Variants in PCDHGA4 observed in about 807,000 individuals in gnomAD.
PCDHGA4 encodes the protein protocadherin gamma subfamily A, 4.
Under a neutral mutation model 54.6 loss-of-function variants are expected in PCDHGA4, and 38 were observed. That is an observed-to-expected ratio of 0.70 (90% confidence interval 0.54 to 0.91). PCDHGA4 has a LOEUF of 0.91. Ranked by LOEUF, PCDHGA4 falls within the 40% of genes least tolerant of loss-of-function variation. The pLI, the probability that PCDHGA4 is intolerant of heterozygous loss-of-function variation, is 0.00. For missense variants in PCDHGA4, 1,298 were observed against 1,220.9 expected (o/e 1.06, Z -0.94); for synonymous variants, 511 against 512.9 (o/e 1.00, Z 0.05).
chr5:141,384,283 G>A (rs762515266), intron 1 of PCDHGA4: 1 of 1,613,762 alleles, frequency 6.2e-7, no homozygotes. Context: ...AGTCTACATC[G>A]CTGAGAACAA....
chr5:141,426,492 T>C (rs1439487321), intron 1 of PCDHGA4: 2 of 336,712 alleles, frequency 5.9e-6, no homozygotes, highest in African/African-American at 4.3e-5. Context: ...TTAGAGTTAG[T>C]GCAGAGAAAC....
At chr5:141,510,353 C>T (rs74759939) in intron 3 of PCDHGA4, among the ~76,000 whole-genome samples, 2 of 146,504 alleles carry the variant, frequency 1.4e-5, no homozygotes, top group African/African-American at 5.0e-5. Context: ...CACTTACTAA[C>T]GGAACTACCG....
chr5:141,357,109 G>T lies in PCDHGA4; in HGVS notation c.2002G>T (p.Ala668Ser). 6.2e-7 allele frequency: 1 copy of T among 1,613,832 alleles called. No individual in the cohort carries two copies. Among genetic ancestry groups the T allele is most frequent in the Non-Finnish European group, 8.5e-7 (1 of 1,179,948 alleles). Reference sequence around the variant, plus strand: ...CGCACGGGCCCTGCTGGACAGAGACGCGCTCAAGCAGAGGCTTGTAGTGGT... The same window carrying T: ...CGCACGGGCCCTGCTGGACAGAGACTCGCTCAAGCAGAGGCTTGTAGTGGT... ...RTARALLDRD[A>S]LKQRLVVVVQ... is the part of the protein sequence containing the mutation. The change falls in exon 1 of 4, where the codon GCG (alanine) becomes TCG (serine). Residue 668 changes from alanine (A) to serine (S), a missense_variant. Ala to Ser is a moderately conservative substitution (Grantham distance 99, BLOSUM62 1). Transcript: ENST00000571252.
chr5:141,374,389 T>C (rs746806211), intron 1 of PCDHGA4: 1 of 1,614,028 alleles, frequency 6.2e-7, no homozygotes, highest in South Asian at 1.1e-5. Flanking sequence ...GCCCGCGGTG[T>C]CTGGTGAGTT....
At chr5:141,479,023 GT>G (rs1436478867) in intron 1 of PCDHGA4, among the ~76,000 whole-genome samples, 1 of 152,056 alleles carries the variant, frequency 6.6e-6, no homozygotes, top group Non-Finnish European at 1.5e-5. Context: ...ATTTTCCTTT[GT>G]TTATACAGAT....
In PCDHGA4 at chr5:141,361,275, A is replaced by G. The variant is rs1366836369; in HGVS notation, c.2514+3654A>G. ...GAGACAGAGACTCTGGAGAAAATGGAGAAGTTTACTGCCAAGTGTTGGGAA... is the reference window on the plus strand; with the variant it reads ...GAGACAGAGACTCTGGAGAAAATGGGGAAGTTTACTGCCAAGTGTTGGGAA... On this transcript the variant is annotated intron_variant, in intron 1 of 3. Coordinates refer to ENST00000571252, the MANE Select transcript of PCDHGA4 (RefSeq NM_018917.4). 3 of 1,613,976 alleles carry G rather than the reference A, an allele frequency of 1.9e-6. No individual in the cohort carries two copies. In the East Asian group the frequency reaches 6.7e-5, roughly 36 times the overall value.
intron 1 of PCDHGA4, chr5:141,417,729 G>T (rs1175282861): frequency 1.6e-5 from 22 of 1,376,276 alleles, no homozygotes; most frequent in African/African-American, 8.8e-5. Context: ...CGCAGACCTT[G>T]CCCAGCACAC....
rs139153105 is a variant in PCDHGA4 at position 141,432,400 on chromosome 5, G to T, written c.2515-62407G>T. 3.1e-6 allele frequency: 5 copies of T among 1,614,122 alleles called. No homozygotes were observed. In the African/African-American group the frequency reaches 4.0e-5, roughly 13 times the overall value. ...ACCCGCCCCTCAGCAGCAACGTGTC[G>T]TTGAGCCTGTTCGTGCTGGACCAGA... On this transcript the variant is annotated intron_variant, in intron 1 of 3. Transcript: ENST00000571252. The surrounding 1 kb of genome is among the most constrained non-coding windows in gnomAD (Gnocchi z 6.0).
chr5:141,405,398 CT>C, intron 1 of PCDHGA4: 1 of 1,590,264 alleles, frequency 6.3e-7, no homozygotes, highest in Non-Finnish European at 8.6e-7. Context: ...TTTTTTCTTT[CT>C]TTCTTTTCTT....
At position 141,421,448 on chromosome 5, in the gene PCDHGA4, A is replaced by G. The variant is rs772957069; in HGVS notation, c.2514+63827A>G. On this transcript the variant is annotated intron_variant, in intron 1 of 3. Coordinates refer to ENST00000571252, the MANE Select transcript of PCDHGA4 (RefSeq NM_018917.4). ...CGCATCGTCTCCAGAGGGAAGACAC[A>G]GCTTTTCGCTGTGAATCCGCGAAGC... The G allele has an allele frequency of 7.8e-5, 126 of 1,614,014 alleles. No individual in the cohort carries two copies. The highest frequency in any genetic ancestry group is 1.0e-4 in the Non-Finnish European group (119 of 1,179,944).
intron 1 of PCDHGA4, chr5:141,478,730 G>A: frequency 6.5e-7 from 1 of 1,538,906 alleles, no homozygotes; most frequent in South Asian, 1.2e-5. Flanking sequence ...GCCAGAGTGT[G>A]GTTTGTGGTC....
chr5:141,383,984 T>C, intron 1 of PCDHGA4: 1 of 1,613,834 alleles, frequency 6.2e-7, no homozygotes, highest in African/African-American at 1.3e-5. Context: ...GACACACCTC[T>C]TGGGACAGTC....
chr5:141,404,132 T>C, intron 1 of PCDHGA4: 1 of 1,613,136 alleles, frequency 6.2e-7, no homozygotes, highest in Non-Finnish European at 8.5e-7. Context: ...ATCTTTTACA[T>C]TAGAAAATTC....
chr5:141,417,893 G>T (rs766340497), intron 1 of PCDHGA4: 2 of 1,572,670 alleles, frequency 1.3e-6, no homozygotes, highest in Admixed American at 1.9e-5. Flanking sequence ...GCGCCGGGCC[G>T]GCCCGCGGCA....
intron 1 of PCDHGA4, chr5:141,422,820 G>A (rs904706749): frequency 6.2e-6 from 10 of 1,614,178 alleles, no homozygotes; most frequent in Non-Finnish European, 7.6e-6. Flanking sequence ...ACTTAGAACT[G>A]AGAGTGATAG....
At position 141,356,874 on chromosome 5, in the gene PCDHGA4, T is replaced by TGTCCCTGAGATCCTGTACCCCACC. The variant is rs1482274371; in HGVS notation, c.1768_1791dup (p.Val590_Thr597dup). Reference sequence around the variant, plus strand: ...TCTTTGTGCTGGACCAGAACGACAATGTCCCTGAGATCCTGTACCCCACCT... The same window carrying TGTCCCTGAGATCCTGTACCCCACC: ...TCTTTGTGCTGGACCAGAACGACAATGTCCCTGAGATCCTGTACCCCACCGTCCCTGAGATCCTGTACCCCACCT... On this transcript the variant is annotated inframe_insertion, in exon 1 of 4. Coordinates refer to ENST00000571252, the MANE Select transcript of PCDHGA4 (RefSeq NM_018917.4). The TGTCCCTGAGATCCTGTACCCCACC allele has an allele frequency of 1.9e-6, 3 of 1,614,078 alleles. No individual in the cohort carries two copies. The African/African-American group carries it at 4.0e-5, about 22-fold the overall frequency.
chr5:141,477,224 G>C lies in PCDHGA4; in HGVS notation c.2515-17583G>C. 6.2e-7 allele frequency: 1 copy of C among 1,614,200 alleles called. No individual in the cohort carries two copies. The highest frequency in any genetic ancestry group is 8.5e-7 in the Non-Finnish European group (1 of 1,180,046). Reference sequence around the variant, plus strand: ...ACCCGAGGATGCCCCTCTGGGGACTGTCATCGCTTTGCTCAGTGTGACTGA... The same window carrying C: ...ACCCGAGGATGCCCCTCTGGGGACTCTCATCGCTTTGCTCAGTGTGACTGA... On this transcript the variant is annotated intron_variant, in intron 1 of 3. Transcript: ENST00000571252. The surrounding 1 kb of genome is among the most constrained non-coding windows in gnomAD (Gnocchi z 4.9).
At chr5:141,458,485 A>G (rs2098946793) in intron 1 of PCDHGA4, among the ~76,000 whole-genome samples, 1 of 151,558 alleles carries the variant, frequency 6.6e-6, no homozygotes, top group Non-Finnish European at 1.5e-5. Context: ...GAAAATGAGG[A>G]CTGCCTGTAC....
rs527630741 is a variant in PCDHGA4, at chr5:141,493,568, G to A, written c.2515-1239G>A. ...TTGGAGATTGAGTTCCCCCAGCTCC[G>A]TTTCCTCCTATCACAATCACTGCAT... is the stretch of plus-strand genomic sequence containing the variant. On this transcript the variant is annotated intron_variant, in intron 1 of 3. Coordinates refer to ENST00000571252, the MANE Select transcript of PCDHGA4 (RefSeq NM_018917.4). This position sits in a 1 kb window ranked among gnomAD's most constrained non-coding sequence, Gnocchi z 4.3. 3.9e-5 allele frequency among the ~76,000 whole-genome samples: 6 copies of A among 152,250 alleles called. No homozygotes were observed. Among genetic ancestry groups the A allele is most frequent in the African/African-American group, 9.6e-5 (4 of 41,550 alleles).
Sources: gnomAD v4.1 joint callset for allele counts (sites outside exome capture counted in the v4.1 genomes callset) on GRCh38, gnomAD v4.1.1 for gene constraint, Gnocchi (gnomAD v3.1) non-coding constraint, MANE v1.5 for transcripts, NCBI Gene and HGNC (gene_info 2026-07-23, HGNC 2026-07-21) for gene names.